EDARADD: variants seen among roughly 807,000 people sequenced by gnomAD.
The protein encoded by EDARADD is EDAR associated via death domain, also known as ectodysplasin-A receptor-associated adapter protein.
EDARADD carries 20 observed loss-of-function variants against 25.6 expected under a neutral mutation model. The ratio of observed to expected loss-of-function variants is 0.78; its 90% CI spans 0.55 to 1.14. EDARADD has a LOEUF of 1.14. Among genes scored for constraint, EDARADD ranks in the 50% most tolerant of loss-of-function variants. The pLI is 0.00. For synonymous variants in EDARADD, 86 were observed against 94.4 expected (o/e 0.91, Z 0.52); for missense variants, 225 against 270.1 (o/e 0.83, Z 1.17).
In EDARADD at chr1:236,458,565, C is replaced by CTT. The variant is rs567640917; in HGVS notation, c.220-9662_220-9661dup. Among the ~76,000 whole-genome samples, 46 of 147,206 alleles carry CTT rather than the reference C, an allele frequency of 3.1e-4. 1 individual carries two copies. In the South Asian group the frequency reaches 6.0e-3, roughly 19 times the overall value. ...TTGAGAGAAAAAGATTTTCCCATCT[C>CTT]TTTTTGATTTTTTAAGAAAACAGCA... On this transcript the variant is annotated intron_variant, in intron 4 of 5. Transcript: ENST00000334232.
At chr1:236,433,284 C>T (rs558225921) in intron 4 of EDARADD, among the ~76,000 whole-genome samples, 5 of 147,996 alleles carry the variant, frequency 3.4e-5, no homozygotes, top group African/African-American at 7.7e-5. Flanking sequence ...ACCCTGGGCG[C>T]GGTGGCTCAT....
At chr1:236,405,854 CTTCCTTCCTTCCTTCCTTCCT>C (rs1408935239) in intron 1 of EDARADD, among the ~76,000 whole-genome samples, 1 of 46,232 alleles carries the variant, frequency 2.2e-5, no homozygotes, top group African/African-American at 9.3e-5. Context: ...TCCTTCCTTC[CTTCCTTCCTTCCTTCCTTCCT>C]TCTTTCTTTC....
intron 4 of EDARADD, among the ~76,000 whole-genome samples, chr1:236,431,580 T>C (rs1658095064): frequency 6.6e-6 from 1 of 152,170 alleles, no homozygotes; most frequent in Non-Finnish European, 1.5e-5. Context: ...CAATCTGAAC[T>C]GGGTATTCTT....
intron 4 of EDARADD, among the ~76,000 whole-genome samples, chr1:236,447,412 A>G (rs1396799045): frequency 6.6e-6 from 1 of 151,988 alleles, no homozygotes; most frequent in African/African-American, 2.4e-5. Flanking sequence ...ACGTGCCGCC[A>G]CGCCTGGCTA....
At chr1:236,413,784 C>A (rs930210376) in intron 2 of EDARADD, among the ~76,000 whole-genome samples, 1 of 152,166 alleles carries the variant, frequency 6.6e-6, no homozygotes, top group Non-Finnish European at 1.5e-5. Flanking sequence ...GATCTTTGTG[C>A]AGTCAGTAGG....
chr1:236,383,457 C>G (rs76738979), intron 3 of EDARADD, among the ~76,000 whole-genome samples: 4,714 of 151,330 alleles, frequency 0.031, 237 homozygotes, highest in African/African-American at 0.11. Flanking sequence ...TGTTTGTATT[C>G]CAGCTCCCAG....
chr1:236,353,465 A>G (rs1572105661), intron 3 of EDARADD, among the ~76,000 whole-genome samples: 1 of 152,188 alleles, frequency 6.6e-6, no homozygotes, highest in South Asian at 2.1e-4. Flanking sequence ...GTGGATGACG[A>G]GGTCAGGAGT....
chr1:236,351,044 C>T (rs1666909993), intron 3 of EDARADD, among the ~76,000 whole-genome samples: 1 of 152,072 alleles, frequency 6.6e-6, no homozygotes, highest in Non-Finnish European at 1.5e-5. Flanking sequence ...GAGGCGGAGG[C>T]AGGAGGATTG....
At chr1:236,388,429 T>C (rs1667381940) in intron 3 of EDARADD, among the ~76,000 whole-genome samples, 1 of 152,348 alleles carries the variant, frequency 6.6e-6, no homozygotes, top group Admixed American at 6.5e-5. Context: ...AAAGTCTTGT[T>C]AATTTGGTTG....
intron 3 of EDARADD, among the ~76,000 whole-genome samples, chr1:236,374,927 C>T (rs1254691183): frequency 1.0e-5 from 1 of 95,272 alleles, no homozygotes; most frequent in African/African-American, 4.1e-5. Flanking sequence ...TGGTATCTAC[C>T]ATATTTGTTA....
intron 3 of EDARADD, among the ~76,000 whole-genome samples, chr1:236,423,020 G>C (rs1287758150): frequency 3.3e-5 from 5 of 152,120 alleles, no homozygotes; most frequent in Non-Finnish European, 5.9e-5. Flanking sequence ...GCAGTTTCTT[G>C]CATCAAAAGC....
intron 3 of EDARADD, among the ~76,000 whole-genome samples, chr1:236,358,153 G>A (rs626473): frequency 0.24 from 36,007 of 152,146 alleles, 4,409 homozygotes; most frequent in East Asian, 0.38. Flanking sequence ...TTACAGGCAC[G>A]AGCCACTGCA....
At chr1:236,471,542 A>C (rs1659361172) in intron 5 of EDARADD, among the ~76,000 whole-genome samples, 1 of 151,918 alleles carries the variant, frequency 6.6e-6, no homozygotes, top group African/African-American at 2.4e-5. Context: ...CTCCTTCAAC[A>C]CTTGTTGGTA....
chr1:236,464,069 G>A (rs1659114151), intron 4 of EDARADD, among the ~76,000 whole-genome samples: 2 of 152,064 alleles, frequency 1.3e-5, no homozygotes, highest in African/African-American at 4.8e-5. Context: ...GGCTGGGGAG[G>A]GTGGCATTTC....
At chr1:236,436,072 G>A (rs1476342252) in intron 4 of EDARADD, among the ~76,000 whole-genome samples, 1 of 152,048 alleles carries the variant, frequency 6.6e-6, no homozygotes, top group Non-Finnish European at 1.5e-5. Flanking sequence ...GGGAGGCCGA[G>A]GCAGGAGAAT....
intron 5 of EDARADD, among the ~76,000 whole-genome samples, chr1:236,470,229 C>A (rs888533911): frequency 6.6e-6 from 1 of 152,104 alleles, no homozygotes; most frequent in East Asian, 1.9e-4. Context: ...GGTAAGTATA[C>A]CTTGCTGCAT....
intron 3 of EDARADD, among the ~76,000 whole-genome samples, chr1:236,356,065 A>C (rs1199092595): frequency 6.6e-6 from 1 of 152,176 alleles, no homozygotes; most frequent in Non-Finnish European, 1.5e-5. Context: ...CAGACTCCTG[A>C]GACTGGATTT....
intron 4 of EDARADD, among the ~76,000 whole-genome samples, chr1:236,437,128 A>G (rs2103020496): frequency 6.6e-6 from 1 of 152,354 alleles, no homozygotes; most frequent in Middle Eastern, 3.4e-3. Flanking sequence ...CTCCAATCAC[A>G]GAAGCTCCGT....
intron 5 of EDARADD, among the ~76,000 whole-genome samples, chr1:236,475,518 G>A (rs1399046170): frequency 2.0e-5 from 3 of 152,036 alleles, no homozygotes; most frequent in South Asian, 2.1e-4. Flanking sequence ...TAATCCCAGC[G>A]TTTTGGGAGG....
Sources: allele counts gnomAD v4.1 joint callset (sites outside exome capture counted in the v4.1 genomes callset), GRCh38; gene constraint gnomAD v4.1.1; transcripts MANE v1.5; gene names NCBI Gene and HGNC (gene_info 2026-07-23, HGNC 2026-07-21).